Variants in PIEZO2 observed in about 807,000 individuals in gnomAD.
PIEZO2 encodes piezo-type mechanosensitive ion channel component 2.
A neutral mutation model predicts 337.3 loss-of-function variants in PIEZO2; 172 were observed. That is an observed-to-expected ratio of 0.51 (90% CI 0.45 to 0.58). PIEZO2 has a LOEUF of 0.58. Among genes scored for constraint, PIEZO2 ranks in the 20% least tolerant of loss-of-function variants. The pLI is 0.00. For missense variants in PIEZO2, 3,028 were observed against 3,391.3 expected, an observed-to-expected ratio of 0.89 and a Z score of 2.66; for synonymous variants, 1,251 against 1,228.5, an observed-to-expected ratio of 1.02 and a Z score of -0.38.
chr18:10,773,057 T>C lies in PIEZO2; in HGVS notation c.2785+355A>G, dbSNP rs960218766. 2.0e-5 allele frequency among the ~76,000 whole-genome samples: 3 copies of C among 152,228 alleles called. No individual in the cohort carries two copies. Among genetic ancestry groups the C allele is most frequent in the Non-Finnish European group, 4.4e-5 (3 of 68,032 alleles). ...TGAGAATGCATTTGTAAGGGCGATG[T>C]CTAGAGCCTTTGAGATTCTGCACAG... On this transcript the variant is annotated intron_variant, in intron 20 of 55. Coordinates refer to ENST00000674853, the MANE Select transcript of PIEZO2 (RefSeq NM_001378183.1). This position sits in a 1 kb window ranked among gnomAD's most constrained non-coding sequence, Gnocchi z 5.3.
At chr18:10,961,651 A>G (rs917613884) in intron 3 of PIEZO2, among the ~76,000 whole-genome samples, 24 of 152,238 alleles carry the variant, frequency 1.6e-4, no homozygotes, top group African/African-American at 4.1e-4. Context: ...GGAGATTCTC[A>G]TTTGTAATGC....
chr18:10,787,261 T>G (rs2039257043), intron 15 of PIEZO2, 77 bp from the exon 16 acceptor site: 2 of 1,316,064 alleles, frequency 1.5e-6, no homozygotes, highest in Non-Finnish European at 2.0e-6. Flanking sequence ...TTGGTTTAAT[T>G]CAAGTAAGAC....
intron 7 of PIEZO2, among the ~76,000 whole-genome samples, chr18:10,832,748 T>C (rs2040883445): frequency 6.6e-6 from 1 of 152,214 alleles, no homozygotes; most frequent in Admixed American, 6.5e-5. Flanking sequence ...GATTATGTGA[T>C]ATGAAGTGCT....
intron 4 of PIEZO2, among the ~76,000 whole-genome samples, chr18:10,896,424 A>G (rs555653469): frequency 1.3e-5 from 2 of 152,210 alleles, no homozygotes; most frequent in South Asian, 4.1e-4. Context: ...CAGCAAATCC[A>G]CTGAAATTAC....
chr18:10,901,585 T>C (rs557120755), intron 4 of PIEZO2, among the ~76,000 whole-genome samples: 1 of 152,286 alleles, frequency 6.6e-6, no homozygotes, highest in South Asian at 2.1e-4. Flanking sequence ...TTCTTTGAGC[T>C]GGGTGGTCAC....
At chr18:10,968,346 A>G (rs1441721613) in intron 3 of PIEZO2, among the ~76,000 whole-genome samples, 1 of 152,196 alleles carries the variant, frequency 6.6e-6, no homozygotes, top group Non-Finnish European at 1.5e-5. Context: ...TGTTTTGATG[A>G]CTATGGTCTT....
rs1243994815 is a variant in PIEZO2 at position 11,127,653 on chromosome 18, T to C, written c.64+20872A>G. ...GAAAGCCTATTGTGGGACCTTGTGA[T>C]CATGTAAGTTAATACTTAATAAACT... On this transcript the variant is annotated intron_variant, in intron 1 of 55. Transcript: ENST00000674853. This position sits in a 1 kb window ranked among gnomAD's most constrained non-coding sequence, Gnocchi z 4.5. 6.6e-6 allele frequency among the ~76,000 whole-genome samples: 1 copy of C among 152,000 alleles called. No homozygotes were observed. The highest frequency in any genetic ancestry group is 1.5e-5 in the Non-Finnish European group (1 of 68,028).
intron 2 of PIEZO2, among the ~76,000 whole-genome samples, chr18:11,052,038 T>C (rs1318112788): frequency 6.6e-6 from 1 of 152,218 alleles, no homozygotes; most frequent in Non-Finnish European, 1.5e-5. Context: ...CCTCCTTATG[T>C]GGTATTCTTA....
intron 1 of PIEZO2, among the ~76,000 whole-genome samples, chr18:11,084,125 C>A (rs1335684538): frequency 8.1e-6 from 1 of 123,492 alleles, no homozygotes; most frequent in Non-Finnish European, 1.6e-5. Context: ...TGCAGTGAGC[C>A]AAGATCACAT....
In PIEZO2 at chr18:11,048,465, T is replaced by C. The variant is rs945549908; in HGVS notation, c.160+17662A>G. On this transcript the variant is annotated intron_variant, in intron 2 of 55. Transcript: ENST00000674853. The surrounding 1 kb of genome is among the most constrained non-coding windows in gnomAD (Gnocchi z 4.5). ...TTTATTTGACTTCCCTGCTTAATGCTGAGGAAATACTAAAAGGCAGCTTAA... is the reference window on the plus strand; with the variant it reads ...TTTATTTGACTTCCCTGCTTAATGCCGAGGAAATACTAAAAGGCAGCTTAA... Among the ~76,000 whole-genome samples, 2 of 152,212 alleles carry C rather than the reference T, an allele frequency of 1.3e-5. No individual in the cohort carries two copies. The highest frequency in any genetic ancestry group is 4.8e-5 in the African/African-American group (2 of 41,454).
intron 15 of PIEZO2, among the ~76,000 whole-genome samples, chr18:10,787,791 C>T (rs1191543406): frequency 1.3e-5 from 2 of 152,082 alleles, no homozygotes; most frequent in African/African-American, 2.4e-5. Flanking sequence ...TGTTGGCTAC[C>T]TGCAAGATAT....
chr18:11,136,180 A>G (rs919592652), intron 1 of PIEZO2, among the ~76,000 whole-genome samples: 2 of 152,238 alleles, frequency 1.3e-5, no homozygotes, highest in Non-Finnish European at 2.9e-5. Flanking sequence ...AGTGGAGTCC[A>G]GTGAATGAGG....
At chr18:10,722,596 C>T (rs978646602) in intron 36 of PIEZO2, among the ~76,000 whole-genome samples, 3 of 151,480 alleles carry the variant, frequency 2.0e-5, no homozygotes, top group South Asian at 2.1e-4. Flanking sequence ...CCATTTGACA[C>T]AAGAAAAAAA....
At position 10,784,318 on chromosome 18, in the gene PIEZO2, C is replaced by G. The variant is rs1392626153; in HGVS notation, c.2492+466G>C. 6.6e-6 allele frequency among the ~76,000 whole-genome samples: 1 copy of G among 152,182 alleles called. No individual in the cohort carries two copies. The highest frequency in any genetic ancestry group is 1.5e-5 in the Non-Finnish European group (1 of 68,034). ...TATGATTGTAGTTACTAGTCAATTG[C>G]AGATTCTGTTTTTTCAGCCAAAGTT... On this transcript the variant is annotated intron_variant, in intron 17 of 55. Coordinates refer to ENST00000674853, the MANE Select transcript of PIEZO2 (RefSeq NM_001378183.1). This position sits in a 1 kb window ranked among gnomAD's most constrained non-coding sequence, Gnocchi z 4.5.
intron 1 of PIEZO2, among the ~76,000 whole-genome samples, chr18:11,068,953 C>G (rs1401044915): frequency 6.6e-6 from 1 of 151,994 alleles, no homozygotes; most frequent in Non-Finnish European, 1.5e-5. Flanking sequence ...AATATACAAC[C>G]TACCATGATG....
Position 10,962,330 on chromosome 18 carries a change from C to T in PIEZO2, c.286+17205G>A, listed in dbSNP as rs2033817253. Among the ~76,000 whole-genome samples, 2 of 152,202 alleles carry T rather than the reference C, an allele frequency of 1.3e-5. No homozygotes were observed. The highest frequency in any genetic ancestry group is 4.1e-4 in the South Asian group (2 of 4,822). ...GCCTGCAGCTTTTCCTGGTCACTCA[C>T]GGCCCTCCCTCGGCTCCCCACAGCC... On this transcript the variant is annotated intron_variant, in intron 3 of 55. Transcript: ENST00000674853. The surrounding 1 kb of genome is among the most constrained non-coding windows in gnomAD (Gnocchi z 4.1).
chr18:10,825,010 C>A (rs575391953), intron 7 of PIEZO2, among the ~76,000 whole-genome samples: 3 of 152,034 alleles, frequency 2.0e-5, no homozygotes, highest in African/African-American at 7.2e-5. Flanking sequence ...ACTACAGGAA[C>A]CCGCCACCAT....
chr18:11,003,100 G>T lies in PIEZO2; in HGVS notation c.161-23440C>A, dbSNP rs7229172. 0.076 allele frequency among the ~76,000 whole-genome samples: 11,609 copies of T among 152,208 alleles called. 1,462 individuals are homozygous for T. The highest frequency in any genetic ancestry group is 0.26 in the African/African-American group (10,743 of 41,468). ...AGATGTCCAGTGACATGTCTTTGCC[G>T]TGCCCTCCCAGGTCTTCCTCCAGCA... is the stretch of plus-strand genomic sequence containing the variant. On this transcript the variant is annotated intron_variant, in intron 2 of 55. Coordinates refer to ENST00000674853, the MANE Select transcript of PIEZO2 (RefSeq NM_001378183.1). The surrounding 1 kb of genome is among the most constrained non-coding windows in gnomAD (Gnocchi z 4.6).
intron 35 of PIEZO2, among the ~76,000 whole-genome samples, chr18:10,733,643 T>C (rs1598413069): frequency 6.6e-6 from 1 of 151,952 alleles, no homozygotes; most frequent in African/African-American, 2.4e-5. Flanking sequence ...AGAGACGGGG[T>C]TTCACTGTGT....
Sources: gnomAD v4.1 joint callset for allele counts (sites outside exome capture counted in the v4.1 genomes callset) on GRCh38, gnomAD v4.1.1 for gene constraint, Gnocchi (gnomAD v3.1) non-coding constraint, MANE v1.5 for transcripts, NCBI Gene and HGNC (gene_info 2026-07-23, HGNC 2026-07-21) for gene names.